The following CRYBG1 variants were observed in gnomAD, a reference collection of about 807,000 sequenced individuals.
CRYBG1 encodes the protein crystallin beta-gamma domain containing 1.
In CRYBG1, 139 loss-of-function variants were observed where a neutral mutation model predicts 189.2. The observed-to-expected ratio is 0.73, with a 90% confidence interval of 0.64 to 0.85. The LOEUF (loss-of-function observed/expected upper bound fraction) is 0.85. Among genes scored for constraint, CRYBG1 ranks in the 40% least tolerant of loss-of-function variants. CRYBG1 has a pLI of 0.00. For missense variants in CRYBG1, 2,611 were observed against 2,675.8 expected (o/e 0.98, Z 0.53); for synonymous variants, 1,023 against 1,017.1 (o/e 1.01, Z -0.11).
Position 106,512,218 on chromosome 6 carries a change from G to A in CRYBG1, c.1101G>A (p.Lys367=). 6.5e-7 allele frequency: 1 copy of A among 1,536,858 alleles called. No homozygotes were observed. Among genetic ancestry groups the A allele is most frequent in the South Asian group, 1.2e-5 (1 of 84,078 alleles). ...AGGCAGACTGCACAGCCCGCCCCAAGGGTCACGCCCACCCTGCTAAGGTGC... is the reference window on the plus strand; with the variant it reads ...AGGCAGACTGCACAGCCCGCCCCAAAGGTCACGCCCACCCTGCTAAGGTGC... ...SAQADCTARP[K]GHAHPAKVLT... The change falls in exon 3 of 22, where the codon AAG becomes AAA. Residue 367 remains lysine (K), a synonymous_variant. Coordinates refer to ENST00000633556, the MANE Select transcript of CRYBG1 (RefSeq NM_001371242.2).
chr6:106,423,695 C>CTTTTTTT (rs869170326), intron 1 of CRYBG1, among the ~76,000 whole-genome samples: 1 of 42,916 alleles, frequency 2.3e-5, no homozygotes, highest in Non-Finnish European at 5.3e-5. Flanking sequence ...TCTCCCTCCC[C>CTTTTTTT]TTTTTTTTTT....
chr6:106,563,831 C>T lies in CRYBG1; in HGVS notation c.6206C>T (p.Ala2069Val), dbSNP rs151113714. ...ACATCTGGCTCCAAGCTAGGCCTGG[C>T]CCTGGACCAGAATGCTGACAGCCAG... Reference protein sequence around the residue: ...LVTSGSKLGLALDQNADSQFW... With the variant: ...LVTSGSKLGLVLDQNADSQFW... The change falls in exon 21 of 22, where the codon GCC becomes GTC. Residue 2069 changes from alanine (A) to valine (V), a missense_variant. By Grantham distance (64) the Ala-to-Val change is moderately conservative. Transcript: ENST00000633556. 30 of 1,613,776 alleles carry T rather than the reference C, an allele frequency of 1.9e-5. No homozygotes were observed. The highest frequency in any genetic ancestry group is 4.0e-5 in the African/African-American group (3 of 75,026).
chr6:106,452,786 A>G, intron 2 of CRYBG1, among the ~76,000 whole-genome samples: 1 of 152,188 alleles, frequency 6.6e-6, no homozygotes, highest in East Asian at 1.9e-4. Context: ...GCATTCCTTC[A>G]CTTGTAGAAA....
chr6:106,533,378 C>G (rs2353049), intron 8 of CRYBG1, among the ~76,000 whole-genome samples: 103,953 of 152,026 alleles, frequency 0.68, 36,286 homozygotes, highest in South Asian at 0.84. Context: ...TGGCCTTTCA[C>G]GCCTTGGGGA....
At chr6:106,364,533 T>G (rs1467142626) in intron 1 of CRYBG1, among the ~76,000 whole-genome samples, 2 of 152,160 alleles carry the variant, frequency 1.3e-5, no homozygotes, top group Admixed American at 1.3e-4. Context: ...TTGGTTTTGG[T>G]AAACATGGTC....
chr6:106,363,890 G>C, intron 1 of CRYBG1, among the ~76,000 whole-genome samples: 1 of 152,274 alleles, frequency 6.6e-6, no homozygotes, highest in East Asian at 1.9e-4. Flanking sequence ...TGAGCACAAA[G>C]TAGAAACTCA....
At chr6:106,437,990 C>A (rs1452473229) in intron 1 of CRYBG1, among the ~76,000 whole-genome samples, 1 of 152,156 alleles carries the variant, frequency 6.6e-6, no homozygotes, top group Non-Finnish European at 1.5e-5. Flanking sequence ...TTTCTTAGTT[C>A]CTGAGACAGC....
intron 1 of CRYBG1, among the ~76,000 whole-genome samples, chr6:106,413,320 A>G (rs568848695): frequency 6.6e-6 from 1 of 152,314 alleles, no homozygotes; most frequent in African/African-American, 2.4e-5. Context: ...GGTTCCCCAA[A>G]GAAAAATCAC....
At chr6:106,527,886 TCTGG>T (rs563069063) in intron 7 of CRYBG1, among the ~76,000 whole-genome samples, 165 of 152,334 alleles carry the variant, frequency 1.1e-3, no homozygotes, top group African/African-American at 3.4e-3. Flanking sequence ...GTTGATTAAC[TCTGG>T]GATTTCATGT....
intron 1 of CRYBG1, among the ~76,000 whole-genome samples, chr6:106,418,620 G>A (rs921591422): frequency 6.6e-6 from 1 of 152,178 alleles, no homozygotes; most frequent in Non-Finnish European, 1.5e-5. Context: ...CATGACAGGT[G>A]TCTTGGCAAT....
At chr6:106,538,892 C>CA (rs56951856) in intron 8 of CRYBG1, among the ~76,000 whole-genome samples, 42,098 of 146,900 alleles carry the variant, frequency 0.29, 6,173 homozygotes, top group South Asian at 0.38. Context: ...AAGACTCCGT[C>CA]AAAAAAAAAA....
intron 2 of CRYBG1, among the ~76,000 whole-genome samples, chr6:106,467,816 C>T (rs9372128): frequency 0.18 from 26,846 of 151,864 alleles, 2,494 homozygotes; most frequent in South Asian, 0.25. Flanking sequence ...TAAGAGTAAA[C>T]AGTTATACAT....
chr6:106,504,602 T>C (rs1773089206), intron 2 of CRYBG1, among the ~76,000 whole-genome samples: 1 of 152,106 alleles, frequency 6.6e-6, no homozygotes, highest in South Asian at 2.1e-4. Flanking sequence ...TAGATCAGAG[T>C]TCATTTATGT....
At chr6:106,418,757 C>T (rs7747228) in intron 1 of CRYBG1, among the ~76,000 whole-genome samples, 7,863 of 152,174 alleles carry the variant, frequency 0.052, 614 homozygotes, top group African/African-American at 0.17. Flanking sequence ...CCAAGGAAAT[C>T]AAGGACATGG....
intron 20 of CRYBG1, among the ~76,000 whole-genome samples, chr6:106,562,708 T>C (rs780298803): frequency 6.6e-6 from 1 of 152,210 alleles, no homozygotes; most frequent in African/African-American, 2.4e-5. Context: ...AGGATGGTCT[T>C]GATCTCCTGA....
intron 2 of CRYBG1, among the ~76,000 whole-genome samples, chr6:106,455,165 G>A (rs1025462443): frequency 4.6e-5 from 7 of 152,022 alleles, no homozygotes; most frequent in Non-Finnish European, 7.4e-5. Context: ...TGGCTTTAGC[G>A]TAGAAGGTAT....
At chr6:106,482,667 T>C (rs1039326924) in intron 2 of CRYBG1, among the ~76,000 whole-genome samples, 3 of 151,930 alleles carry the variant, frequency 2.0e-5, no homozygotes, top group East Asian at 1.9e-4. Flanking sequence ...CCCAGCTACT[T>C]GGGAGGCTGA....
chr6:106,438,360 C>T (rs1169888217), intron 1 of CRYBG1, among the ~76,000 whole-genome samples: 1 of 152,174 alleles, frequency 6.6e-6, no homozygotes, highest in Non-Finnish European at 1.5e-5. Context: ...TAACAAGTTG[C>T]CGTAAACATG....
chr6:106,506,446 CTTTTTTTTTT>C (rs67154803), intron 2 of CRYBG1, among the ~76,000 whole-genome samples: 6 of 69,920 alleles, frequency 8.6e-5, no homozygotes, highest in Admixed American at 2.0e-4. Context: ...TTTCTTGTCA[CTTTTTTTTTT>C]TTTTTTTTTT....
Sources: gnomAD v4.1 joint callset for allele counts (sites outside exome capture counted in the v4.1 genomes callset) on GRCh38, gnomAD v4.1.1 for gene constraint, MANE v1.5 for transcripts, NCBI Gene and HGNC (gene_info 2026-07-23, HGNC 2026-07-21) for gene names.